The following MAN1A2 variants were observed in gnomAD, a reference collection of about 807,000 sequenced individuals.
MAN1A2 encodes mannosyl-oligosaccharide 1,2-alpha-mannosidase IB.
MAN1A2 carries 26 observed loss-of-function variants against 75.7 expected under a neutral mutation model. The ratio of observed to expected loss-of-function variants is 0.34; its 90% confidence interval spans 0.25 to 0.48. MAN1A2 has a LOEUF of 0.48. MAN1A2 is among the 20% of genes least tolerant of loss of function. The pLI is 0.99. For synonymous variants in MAN1A2, 247 were observed against 264.6 expected, an observed-to-expected ratio of 0.93 and a Z score of 0.65; for missense variants, 562 against 775.5, an observed-to-expected ratio of 0.72 and a Z score of 3.27.
At chr1:117,493,104 C>T (rs1181779830) in intron 8 of MAN1A2, 43 bp from the exon 9 acceptor site, 3 of 1,039,526 alleles carry the variant, frequency 2.9e-6, no homozygotes, top group Admixed American at 1.7e-5. Context: ...TCTTGTCTTC[C>T]CTTGCCTTTA....
At chr1:117,494,065 A>T (rs1650969401) in intron 9 of MAN1A2, 1 of 152,068 alleles carries the variant, frequency 6.6e-6, no homozygotes, top group Admixed American at 6.6e-5. Context: ...CATTTTACAC[A>T]TGAGGACCTT....
At chr1:117,414,634 G>T in intron 3 of MAN1A2, 79 bp from the exon 4 acceptor site, 5 of 718,198 alleles carry the variant, frequency 7.0e-6, no homozygotes, top group South Asian at 1.7e-5. Context: ...AATGTGAAGG[G>T]AATCTTTTTT....
At chr1:117,437,695 A>G (rs1648889868) in intron 5 of MAN1A2, among the ~76,000 whole-genome samples, 1 of 152,130 alleles carries the variant, frequency 6.6e-6, no homozygotes, top group African/African-American at 2.4e-5. Flanking sequence ...ACTCTGTAAA[A>G]TGGGGGCAAA....
At chr1:117,484,274 G>A (rs983336606) in intron 8 of MAN1A2, among the ~76,000 whole-genome samples, 1 of 151,892 alleles carries the variant, frequency 6.6e-6, no homozygotes, top group Non-Finnish European at 1.5e-5. Flanking sequence ...GTTTATTGAT[G>A]TTGTAAATTT....
At position 117,402,299 on chromosome 1, in the gene MAN1A2, C is replaced by T. The variant is rs764568691; in HGVS notation, c.416C>T (p.Thr139Ile). Residue 139 changes from threonine to isoleucine, a missense_variant, in exon 2 of 13, where the codon ACA (threonine) becomes ATA (isoleucine). Around this residue, in one of 2 missense-constraint regions of MAN1A2, gnomAD observed 434 missense variants for 645.7 expected, o/e 0.67. Coordinates refer to ENST00000356554, the MANE Select transcript of MAN1A2 (RefSeq NM_006699.5). ...GAGGAAATTCGAGCAGAAATTCAGA[C>T]AGAGAAAAATAAGGTAGTCCAAGAA... ...SREEIRAEIQ[T>I]EKNKVVQEMK... The T allele has an allele frequency of 1.2e-6, 2 of 1,613,462 alleles. No homozygotes were observed. Among genetic ancestry groups the T allele is most frequent in the Non-Finnish European group, 1.7e-6 (2 of 1,179,758 alleles).
chr1:117,377,534 G>GCT, intron 1 of MAN1A2, among the ~76,000 whole-genome samples: 1 of 152,288 alleles, frequency 6.6e-6, no homozygotes, highest in African/African-American at 2.4e-5. Flanking sequence ...TGAAACTGAA[G>GCT]TTTCACAAAT....
rs528456942 is a variant in MAN1A2, at chr1:117,367,832, T to A, written c.-352T>A. The A allele has an allele frequency of 4.8e-6, 1 of 209,306 alleles. No individual in the cohort carries two copies. Among genetic ancestry groups the A allele is most frequent in the East Asian group, 1.2e-4 (1 of 8,360 alleles). The allele number at this position is 209,306 out of a possible 1,614,324, so 13.0% of individuals were successfully genotyped here. A position where few individuals can be genotyped will look rare whatever the true frequency, so the allele number is the denominator to read the frequency against. On this transcript the variant is annotated 5_prime_UTR_variant, in exon 1 of 13. Coordinates refer to ENST00000356554, the MANE Select transcript of MAN1A2 (RefSeq NM_006699.5). ...CGGGGCGGAAGACTACGTTTGAGCA[T>A]CTCACTGAGGTGCAGGAATGGAAGA...
rs527689984 is a variant in MAN1A2 at position 117,467,187 on chromosome 1, T to G, written c.1168+760T>G. Reference sequence around the variant, plus strand: ...GTAATTGTAGGTTTATCAATGCTATTCTCTTTTAAAAGTTAGGAAAACAAA... The same window carrying G: ...GTAATTGTAGGTTTATCAATGCTATGCTCTTTTAAAAGTTAGGAAAACAAA... On this transcript the variant is annotated intron_variant, in intron 8 of 12. Transcript: ENST00000356554. Among the ~76,000 whole-genome samples, 357 of 152,278 alleles carry G rather than the reference T, an allele frequency of 2.3e-3. 5 individuals are homozygous for G. Among genetic ancestry groups the G allele is most frequent in the African/African-American group, 8.1e-3 (337 of 41,578 alleles).
intron 6 of MAN1A2, 58 bp from the exon 7 acceptor site, chr1:117,460,431 C>A: frequency 8.0e-7 from 1 of 1,245,304 alleles, no homozygotes; most frequent in South Asian, 1.4e-5. Context: ...ATTCATTAAA[C>A]GAATGTTTTG....
Position 117,460,576 on chromosome 1 carries a change from C to T in MAN1A2, c.1038C>T (p.Leu346=), listed in dbSNP as rs896917197. The T allele has an allele frequency of 6.2e-7, 1 of 1,610,266 alleles. No homozygotes were observed. ...CACTACATATGGAGTTCATCCACCTCAGCTACTTGACAGGGGACCTGACTT... is the reference window on the plus strand; with the variant it reads ...CACTACATATGGAGTTCATCCACCTTAGCTACTTGACAGGGGACCTGACTT... ...FGTLHMEFIH[L]SYLTGDLTYY... The change falls in exon 7 of 13, where the codon CTC becomes CTT. Residue 346 remains leucine, a synonymous_variant. Transcript: ENST00000356554.
At chr1:117,429,855 G>A (rs1570737015) in intron 5 of MAN1A2, among the ~76,000 whole-genome samples, 2 of 70,386 alleles carry the variant, frequency 2.8e-5, no homozygotes, top group Admixed American at 1.2e-4. Context: ...CCGGGCGGGG[G>A]GCCGACCCCC....
chr1:117,384,553 TGAGAA>T (rs980651803), intron 1 of MAN1A2, among the ~76,000 whole-genome samples: 4 of 152,176 alleles, frequency 2.6e-5, no homozygotes, highest in African/African-American at 9.7e-5. Context: ...CATATGCACT[TGAGAA>T]GAATGTCTGT....
intron 1 of MAN1A2, among the ~76,000 whole-genome samples, chr1:117,384,828 C>A (rs1653470209): frequency 1.3e-5 from 2 of 152,076 alleles, no homozygotes; most frequent in African/African-American, 4.8e-5. Flanking sequence ...TATGAAGATA[C>A]CATCCTTATG....
Position 117,429,965 on chromosome 1 carries a change from G to A in MAN1A2, c.855+9316G>A, listed in dbSNP as rs1180143598. 1.7e-3 allele frequency among the ~76,000 whole-genome samples: 126 copies of A among 74,452 alleles called. 1 individual carries two copies. Among genetic ancestry groups the A allele is most frequent in the African/African-American group, 6.4e-3 (116 of 17,988 alleles). The allele number at this position is 74,452 out of a possible 152,430, so 48.8% of individuals were successfully genotyped here. On this transcript the variant is annotated intron_variant, in intron 5 of 12. Transcript: ENST00000356554. ...GGCGCCCCTCACCTCCAGACGGGGC[G>A]GCTGGCCGGGCGGAGGGCTGACCCC... is the stretch of plus-strand genomic sequence containing the variant.
At chr1:117,417,311 C>CT in intron 4 of MAN1A2, among the ~76,000 whole-genome samples, 1 of 151,588 alleles carries the variant, frequency 6.6e-6, no homozygotes, top group Non-Finnish European at 1.5e-5. Context: ...ACCTTAGAGT[C>CT]TTTTTAACTA....
At chr1:117,465,715 T>A (rs1228480019) in intron 7 of MAN1A2, among the ~76,000 whole-genome samples, 1 of 152,108 alleles carries the variant, frequency 6.6e-6, no homozygotes, top group Non-Finnish European at 1.5e-5. Context: ...ACCTAATCTA[T>A]AGTTGAATCA....
At chr1:117,369,795 C>T (rs983508744) in intron 1 of MAN1A2, among the ~76,000 whole-genome samples, 4 of 152,034 alleles carry the variant, frequency 2.6e-5, no homozygotes, top group Admixed American at 6.6e-5. Context: ...AAATATGTTA[C>T]TGAAAAATTA....
At chr1:117,458,523 A>ATATTTTTTTTTTTTTTTTTT (rs1553236643) in intron 6 of MAN1A2, among the ~76,000 whole-genome samples, 1 of 105,610 alleles carries the variant, frequency 9.5e-6, no homozygotes, top group Non-Finnish European at 2.0e-5. Flanking sequence ...ATATATATAT[A>ATATTTTTTTTTTTTTTTTTT]TTTTTTTTTT....
At chr1:117,380,305 G>T (rs1301820120) in intron 1 of MAN1A2, among the ~76,000 whole-genome samples, 1 of 152,126 alleles carries the variant, frequency 6.6e-6, no homozygotes, top group Non-Finnish European at 1.5e-5. Context: ...GTCTATCCAG[G>T]CTTTGTCCAT....
Sources: allele counts gnomAD v4.1 joint callset (sites outside exome capture counted in the v4.1 genomes callset), GRCh38; gene constraint gnomAD v4.1.1; regional missense constraint gnomAD v4.1.1; transcripts MANE v1.5; gene names NCBI Gene and HGNC (gene_info 2026-07-23, HGNC 2026-07-21).